The following PHF24 variants were observed in gnomAD, a reference collection of about 807,000 sequenced individuals.
PHF24 encodes PHD finger protein 24.
Under a neutral mutation model 42.6 loss-of-function variants are expected in PHF24, and 25 were observed. The observed-to-expected ratio is 0.59, with a 90% CI of 0.43 to 0.82. The LOEUF is 0.82. Ranked by LOEUF, PHF24 falls within the 40% of genes least tolerant of loss-of-function variation. The pLI is 0.00. For missense variants in PHF24, 470 were observed against 538.1 expected, an observed-to-expected ratio of 0.87 and a Z score of 1.25; for synonymous variants, 185 against 204.8, an observed-to-expected ratio of 0.90 and a Z score of 0.83.
intron 1 of PHF24, among the ~76,000 whole-genome samples, chr9:34,968,517 C>T (rs1587468138): frequency 2.0e-5 from 3 of 152,114 alleles, no homozygotes; most frequent in South Asian, 4.2e-4. Context: ...TAAATGGAGT[C>T]GGGGAGGTGG....
the PHF24 span, among the ~76,000 whole-genome samples, chr9:34,868,696 A>G: frequency 3.3e-5 from 5 of 152,328 alleles, no homozygotes; most frequent in East Asian, 7.7e-4. Context: ...ACTTATCCTT[A>G]TAGAGAGAGG....
the PHF24 span, among the ~76,000 whole-genome samples, chr9:34,847,774 C>T: frequency 6.6e-6 from 1 of 152,100 alleles, no homozygotes; most frequent in Non-Finnish European, 1.5e-5. Flanking sequence ...AGATAAGTCC[C>T]ATCAATACCT....
the PHF24 span, among the ~76,000 whole-genome samples, chr9:34,767,659 A>T: frequency 6.6e-6 from 1 of 152,206 alleles, no homozygotes; most frequent in African/African-American, 2.4e-5. Context: ...GCGCTTCCGG[A>T]GTGAGGCAAT....
At chr9:34,891,969 G>A in the PHF24 span, among the ~76,000 whole-genome samples, 2 of 152,278 alleles carry the variant, frequency 1.3e-5, no homozygotes, top group South Asian at 2.1e-4. Context: ...TGGGGAAGGA[G>A]GGGAGATTTT....
the PHF24 span, among the ~76,000 whole-genome samples, chr9:34,806,027 T>G: frequency 6.6e-6 from 1 of 152,328 alleles, no homozygotes; most frequent in East Asian, 1.9e-4. Context: ...TAGTTGTCCA[T>G]AGATGTATGG....
At chr9:34,768,500 A>G in the PHF24 span, among the ~76,000 whole-genome samples, 1 of 152,092 alleles carries the variant, frequency 6.6e-6, no homozygotes, top group Admixed American at 6.6e-5. Context: ...CCCTTTCTGC[A>G]TTTCAGACTT....
chr9:34,690,424 C>CTGTGTGTGTGTGTGTGTGTGTG, the PHF24 span: 17 of 608,696 alleles, frequency 2.8e-5, no homozygotes, highest in South Asian at 6.5e-5. Context: ...TTGAGGACAC[C>CTGTGTGTGTGTGTGTGTGTGTG]TGTGTGTGTG....
At chr9:34,764,431 G>A in the PHF24 span, among the ~76,000 whole-genome samples, 40 of 152,390 alleles carry the variant, frequency 2.6e-4, 1 homozygote, top group African/African-American at 9.1e-4. Flanking sequence ...CCTTGGGAGG[G>A]TGTATGTGTC....
At chr9:34,901,163 A>G in the PHF24 span, among the ~76,000 whole-genome samples, 2 of 152,228 alleles carry the variant, frequency 1.3e-5, no homozygotes, top group East Asian at 3.8e-4. Context: ...ATTCTAACAA[A>G]TATTTGAGTA....
chr9:34,917,065 A>G, the PHF24 span: 7 of 678,372 alleles, frequency 1.0e-5, no homozygotes, highest in African/African-American at 7.0e-5. Flanking sequence ...GTGGGTGAAG[A>G]GCGGAGCGTG....
At chr9:34,836,157 G>A in the PHF24 span, 9 of 409,396 alleles carry the variant, frequency 2.2e-5, no homozygotes, top group Admixed American at 2.6e-4. Flanking sequence ...TGCAAGTCTA[G>A]AAGCCTACAC....
chr9:34,829,507 T>C, the PHF24 span, among the ~76,000 whole-genome samples: 1 of 152,160 alleles, frequency 6.6e-6, no homozygotes, highest in Non-Finnish European at 1.5e-5. Flanking sequence ...TTATTGAATG[T>C]AAGATGTTTT....
In PHF24 at chr9:34,961,722, G is replaced by A. The variant is rs1045915384; in HGVS notation, c.-5+3321G>A. 2.0e-5 allele frequency among the ~76,000 whole-genome samples: 3 copies of A among 152,302 alleles called. No individual in the cohort carries two copies. The East Asian group carries it at 5.8e-4, about 29-fold the overall frequency. Reference sequence around the variant, plus strand: ...CATTCAGCCCTCCTGCCAGTGCCCTGCCAAAATTACTTTTGCCCATATACT... The same window carrying A: ...CATTCAGCCCTCCTGCCAGTGCCCTACCAAAATTACTTTTGCCCATATACT... On this transcript the variant is annotated intron_variant, in intron 1 of 7. Transcript: ENST00000242315.
chr9:34,760,670 C>T, the PHF24 span, among the ~76,000 whole-genome samples: 4 of 152,350 alleles, frequency 2.6e-5, no homozygotes, highest in African/African-American at 9.6e-5. Context: ...CCACCCAATA[C>T]TCCTAGTCCT....
chr9:34,956,791 C>T (rs1346700555), upstream of PHF24, among the ~76,000 whole-genome samples: 1 of 152,216 alleles, frequency 6.6e-6, no homozygotes, highest in Non-Finnish European at 1.5e-5. Flanking sequence ...AGTTTCACAA[C>T]AAGCAAAATA....
chr9:34,883,945 G>A, the PHF24 span, among the ~76,000 whole-genome samples: 3 of 152,230 alleles, frequency 2.0e-5, no homozygotes, highest in South Asian at 6.2e-4. Context: ...ATTCACAATA[G>A]CAAAGACTTG....
the PHF24 span, among the ~76,000 whole-genome samples, chr9:34,906,390 G>A: frequency 1.3e-5 from 2 of 152,148 alleles, no homozygotes; most frequent in African/African-American, 2.4e-5. Context: ...GTTATACATG[G>A]ATTGAGAGAT....
chr9:34,961,421 T>C (rs1826585277), intron 1 of PHF24, among the ~76,000 whole-genome samples: 1 of 152,120 alleles, frequency 6.6e-6, no homozygotes, highest in Non-Finnish European at 1.5e-5. Flanking sequence ...CCCTCCATTC[T>C]CCCCACTCTT....
the PHF24 span, among the ~76,000 whole-genome samples, chr9:34,892,225 G>T: frequency 1.3e-5 from 2 of 152,146 alleles, no homozygotes; most frequent in African/African-American, 4.8e-5. Flanking sequence ...TGGGGTTTGG[G>T]ATTTGTTCAC....
Sources: gnomAD v4.1 joint callset for allele counts (sites outside exome capture counted in the v4.1 genomes callset) on GRCh38, gnomAD v4.1.1 for gene constraint, MANE v1.5 for transcripts, NCBI Gene and HGNC (gene_info 2026-07-23, HGNC 2026-07-21) for gene names.